The following KCNH1 variants were observed in gnomAD, a reference collection of about 807,000 sequenced individuals.
The protein encoded by KCNH1 is voltage-gated delayed rectifier potassium channel KCNH1.
A neutral mutation model predicts 69.2 loss-of-function variants in KCNH1; 27 were observed. That is an observed-to-expected ratio of 0.39 (90% CI 0.29 to 0.54). The LOEUF (loss-of-function observed/expected upper bound fraction) is 0.54. KCNH1 is among the 20% of genes least tolerant of loss of function. The pLI, the probability that KCNH1 is intolerant of heterozygous loss-of-function variation, is 0.68. For missense variants in KCNH1, 798 were observed against 1,261.6 expected (o/e 0.63, Z 5.57); for synonymous variants, 456 against 487.7 (o/e 0.93, Z 0.86).
chr1:210,817,340 T>C (rs1684837924), intron 7 of KCNH1, among the ~76,000 whole-genome samples: 1 of 152,230 alleles, frequency 6.6e-6, no homozygotes, highest in Non-Finnish European at 1.5e-5. Context: ...GGCCCAAATA[T>C]TTGTTTAATC....
chr1:210,814,516 C>G (rs6666042), intron 7 of KCNH1, among the ~76,000 whole-genome samples: 30,928 of 152,030 alleles, frequency 0.2, 3,179 homozygotes, highest in Non-Finnish European at 0.22. Flanking sequence ...GTCATGTCAT[C>G]TGCTGTTCTG....
chr1:210,687,125 A>T (rs2149002921), intron 10 of KCNH1, among the ~76,000 whole-genome samples: 1 of 152,344 alleles, frequency 6.6e-6, no homozygotes. Context: ...CTGAGACTTG[A>T]GATGTTCTAA....
chr1:211,036,170 G>A (rs1353096797), intron 5 of KCNH1, among the ~76,000 whole-genome samples: 2 of 152,150 alleles, frequency 1.3e-5, no homozygotes, highest in Non-Finnish European at 1.5e-5. Flanking sequence ...AGCTACATGT[G>A]GGTAAACAGG....
At chr1:210,929,932 T>C (rs975355324) in intron 6 of KCNH1, among the ~76,000 whole-genome samples, 1 of 121,562 alleles carries the variant, frequency 8.2e-6, no homozygotes, top group Non-Finnish European at 1.9e-5. Flanking sequence ...TCACAATAGC[T>C]GCAAAAAAAT....
chr1:210,922,251 A>G (rs942614383), intron 6 of KCNH1, among the ~76,000 whole-genome samples: 1 of 151,868 alleles, frequency 6.6e-6, no homozygotes, highest in Non-Finnish European at 1.5e-5. Flanking sequence ...GCGTGGTGGC[A>G]GGCGCCTGTG....
At chr1:211,020,569 A>T (rs2102415137) in intron 5 of KCNH1, among the ~76,000 whole-genome samples, 1 of 152,266 alleles carries the variant, frequency 6.6e-6, no homozygotes, top group African/African-American at 2.4e-5. Flanking sequence ...GTTTTAAAGA[A>T]GAACTAGTAC....
At chr1:210,958,803 C>T (rs925470845) in intron 6 of KCNH1, among the ~76,000 whole-genome samples, 1 of 151,838 alleles carries the variant, frequency 6.6e-6, no homozygotes, top group Non-Finnish European at 1.5e-5. Flanking sequence ...TCTAGGTAGC[C>T]ATTCGTCTAA....
chr1:210,901,150 C>A (rs1163886570), intron 7 of KCNH1, among the ~76,000 whole-genome samples: 1 of 152,098 alleles, frequency 6.6e-6, no homozygotes, highest in East Asian at 1.9e-4. Context: ...AACTCATGAT[C>A]TACCCCTAAA....
intron 10 of KCNH1, among the ~76,000 whole-genome samples, chr1:210,732,895 A>G (rs1360121316): frequency 6.6e-6 from 1 of 152,190 alleles, no homozygotes; most frequent in African/African-American, 2.4e-5. Context: ...TTAGTTTTCA[A>G]CATATGAATT....
In KCNH1 at chr1:210,678,680, G is replaced by A. The variant is rs1352336940; in HGVS notation, c.*4601C>T. 6.6e-6 allele frequency: 1 copy of A among 152,224 alleles called. No homozygotes were observed. Among genetic ancestry groups the A allele is most frequent in the Non-Finnish European group, 1.5e-5 (1 of 68,046 alleles). The allele number at this position is 152,224 out of a possible 1,614,324, so 9.4% of individuals were successfully genotyped here. Reference sequence around the variant, plus strand: ...GTAGAAGTGTCCTTGAGGTGTCGGTGAAATGTCGGATGTGGACAGTCTCCA... The same window carrying A: ...GTAGAAGTGTCCTTGAGGTGTCGGTAAAATGTCGGATGTGGACAGTCTCCA... On this transcript the variant is annotated 3_prime_UTR_variant, in exon 11 of 11. Transcript: ENST00000271751.
At chr1:210,716,306 T>C (rs1389555965) in intron 10 of KCNH1, among the ~76,000 whole-genome samples, 1 of 151,462 alleles carries the variant, frequency 6.6e-6, no homozygotes, top group Non-Finnish European at 1.5e-5. Context: ...GTGGTGGGCA[T>C]CTGTAATCCC....
intron 7 of KCNH1, among the ~76,000 whole-genome samples, chr1:210,831,573 C>T (rs1685162603): frequency 6.6e-6 from 1 of 152,154 alleles, no homozygotes; most frequent in African/African-American, 2.4e-5. Context: ...TGGCATAGCA[C>T]TTGACATGGG....
chr1:210,957,359 G>A (rs763633322), intron 6 of KCNH1, among the ~76,000 whole-genome samples: 1 of 152,190 alleles, frequency 6.6e-6, no homozygotes, highest in African/African-American at 2.4e-5. Flanking sequence ...TAGAAAAAGT[G>A]CGATGTGGTT....
intron 7 of KCNH1, among the ~76,000 whole-genome samples, chr1:210,807,124 T>C (rs1372522915): frequency 6.6e-6 from 1 of 151,844 alleles, no homozygotes; most frequent in Non-Finnish European, 1.5e-5. Flanking sequence ...AACAGACTGA[T>C]ATTGCTATAA....
chr1:210,945,195 C>T (rs1024325011), intron 6 of KCNH1, among the ~76,000 whole-genome samples: 2 of 152,154 alleles, frequency 1.3e-5, no homozygotes, highest in African/African-American at 2.4e-5. Context: ...CTTTTGGCTA[C>T]GATGAATAAT....
At chr1:210,908,762 T>C (rs929971837) in intron 7 of KCNH1, among the ~76,000 whole-genome samples, 1 of 152,050 alleles carries the variant, frequency 6.6e-6, no homozygotes, top group African/African-American at 2.4e-5. Flanking sequence ...TGCCCACCCC[T>C]GCTCTGGCTC....
chr1:210,855,866 G>C (rs541951340), intron 7 of KCNH1, among the ~76,000 whole-genome samples: 1 of 152,140 alleles, frequency 6.6e-6, no homozygotes, highest in Admixed American at 6.5e-5. Flanking sequence ...GCTGTACCTG[G>C]GTGGCTCATT....
chr1:211,133,505 A>C lies in KCNH1; in HGVS notation c.79+362T>G. On this transcript the variant is annotated intron_variant, in intron 1 of 10. Coordinates refer to ENST00000271751, the MANE Select transcript of KCNH1 (RefSeq NM_172362.3). The surrounding 1 kb of genome is among the most constrained non-coding windows in gnomAD (Gnocchi z 5.4). ...CCGGGAGCCCCAGAGCCTTCGCGGA[A>C]GGGTGGGCAGTGCCGATGGGGCGCG... 1 of 160,992 alleles carries C rather than the reference A, an allele frequency of 6.2e-6. No individual in the cohort carries two copies. The highest frequency in any genetic ancestry group is 1.4e-5 in the Non-Finnish European group (1 of 73,976). 10.0% of individuals were successfully genotyped at this position (160,992 alleles called of 1,614,324 possible).
At chr1:211,090,749 A>G in intron 3 of KCNH1, 59 bp from the exon 4 acceptor site, 1 of 1,487,678 alleles carries the variant, frequency 6.7e-7, no homozygotes, top group Non-Finnish European at 9.1e-7. Context: ...GGGGCTATGG[A>G]AGCAAAGACT....
Sources: allele counts gnomAD v4.1 joint callset (sites outside exome capture counted in the v4.1 genomes callset), GRCh38; gene constraint gnomAD v4.1.1; non-coding constraint Gnocchi (gnomAD v3.1); transcripts MANE v1.5; gene names NCBI Gene and HGNC (gene_info 2026-07-23, HGNC 2026-07-21).